The following PVT1 variants were observed in gnomAD, a reference collection of about 807,000 sequenced individuals.
The protein encoded by PVT1 is CXCR4/PVT1 fusion.
intron 4 of PVT1, among the ~76,000 whole-genome samples, chr8:128,062,031 G>T (rs565834757): frequency 6.6e-6 from 1 of 152,352 alleles, no homozygotes; most frequent in Non-Finnish European, 1.5e-5. Context: ...GGCAGGCAAG[G>T]CCACGTGCAA....
chr8:127,909,454 T>C (rs889975930), intron 3 of PVT1, among the ~76,000 whole-genome samples: 4 of 152,228 alleles, frequency 2.6e-5, no homozygotes, highest in Non-Finnish European at 5.9e-5. Context: ...TCTAGTCACT[T>C]TACCTTCTGA....
chr8:128,008,418 A>G (rs778752033), intron 4 of PVT1, among the ~76,000 whole-genome samples: 12 of 152,348 alleles, frequency 7.9e-5, no homozygotes, highest in South Asian at 2.1e-4. Flanking sequence ...CAATTTATCA[A>G]TGAGGAAACT....
rs1343056207 is a variant in PVT1, at chr8:127,984,842, TTTCTTTCTTTCTTTCTTTCTTTC to T, written n.783-4317_783-4295del. ...AGGCTGGTTTCTTTCTTTTCTTTTC[TTTCTTTCTTTCTTTCTTTCTTTC>T]TTTCTTTCTTTCTTTCTTTCTTTCT... On this transcript the variant is annotated intron_variant and non_coding_transcript_variant, in intron 3 of 10. Transcript: ENST00000651587. Among the ~76,000 whole-genome samples the T allele has an allele frequency of 1.4e-3, 78 of 53,894 alleles. 1 individual carries two copies. Among genetic ancestry groups the T allele is most frequent in the Admixed American group, 1.7e-3 (11 of 6,486 alleles). 35.4% of individuals were successfully genotyped at this position (53,894 alleles called of 152,430 possible). A position where few individuals can be genotyped will look rare whatever the true frequency, so the allele number is the denominator to read the frequency against.
intron 3 of PVT1, among the ~76,000 whole-genome samples, chr8:127,944,453 T>C (rs2129913379): frequency 6.6e-6 from 1 of 152,232 alleles, no homozygotes; most frequent in Admixed American, 6.5e-5. Context: ...GTCTGTAAAA[T>C]GGGAACAATA....
At chr8:128,017,689 G>A (rs1817389515) in intron 4 of PVT1, among the ~76,000 whole-genome samples, 1 of 151,604 alleles carries the variant, frequency 6.6e-6, no homozygotes, top group Admixed American at 6.6e-5. Context: ...CTCCTGCCTC[G>A]GCCTCCCAAA....
intron 2 of PVT1, among the ~76,000 whole-genome samples, chr8:127,840,588 C>G (rs1364231769): frequency 6.6e-6 from 1 of 152,230 alleles, no homozygotes; most frequent in Non-Finnish European, 1.5e-5. Context: ...GGGAGACTGG[C>G]TCCAAAAGGG....
chr8:128,034,275 G>T (rs564503873), intron 4 of PVT1, among the ~76,000 whole-genome samples: 1 of 151,780 alleles, frequency 6.6e-6, no homozygotes, highest in East Asian at 1.9e-4. Context: ...GTGAACTAAA[G>T]GTTTATAAGG....
At chr8:128,049,671 G>A (rs1243473939) in intron 4 of PVT1, among the ~76,000 whole-genome samples, 1 of 152,094 alleles carries the variant, frequency 6.6e-6, no homozygotes, top group Non-Finnish European at 1.5e-5. Flanking sequence ...GGCACTGGCA[G>A]GATGGGAAGG....
chr8:127,908,243 G>A (rs1235015995), intron 3 of PVT1, among the ~76,000 whole-genome samples: 1 of 151,970 alleles, frequency 6.6e-6, no homozygotes, highest in Non-Finnish European at 1.5e-5. Context: ...TTTTCACGTT[G>A]GTCGGCCGTG....
In PVT1 at chr8:127,875,347, G is replaced by GTCTGTC. The variant is rs918925169; in HGVS notation, n.373-15226_373-15221dup. Among the ~76,000 whole-genome samples the GTCTGTC allele has an allele frequency of 6.9e-5, 9 of 129,956 alleles. No homozygotes were observed. The East Asian group carries it at 1.5e-3, about 21-fold the overall frequency. The allele number at this position is 129,956 out of a possible 152,430, so 85.3% of individuals were successfully genotyped here. On this transcript the variant is annotated intron_variant and non_coding_transcript_variant, in intron 2 of 10. Transcript: ENST00000651587. Reference sequence around the variant, plus strand: ...TGTCTCTGTCTCTGTCTCTGACTCTGTCTGTCTCTGTCTCTGTCTCTCTCT... The same window carrying GTCTGTC: ...TGTCTCTGTCTCTGTCTCTGACTCTGTCTGTCTCTGTCTCTGTCTCTGTCTCTCTCT...
chr8:128,041,389 ATG>A (rs1318194226), intron 4 of PVT1, among the ~76,000 whole-genome samples: 2 of 125,930 alleles, frequency 1.6e-5, no homozygotes, highest in African/African-American at 3.1e-5. Flanking sequence ...GCATATGTGT[ATG>A]TGTGTGTTTG....
intron 4 of PVT1, among the ~76,000 whole-genome samples, chr8:128,041,219 GTGTGTGCATGTGTGTGTGT>G (rs1276993774): frequency 2.1e-3 from 170 of 82,038 alleles, no homozygotes; most frequent in Middle Eastern, 0.016. Flanking sequence ...GTGTGTTTGT[GTGTGTGCATGTGTGTGTGT>G]TGTTTGTGTG....
At chr8:128,094,625 C>A (rs1014436387) in intron 5 of PVT1, among the ~76,000 whole-genome samples, 2 of 152,228 alleles carry the variant, frequency 1.3e-5, no homozygotes, top group South Asian at 4.1e-4. Flanking sequence ...ACCTACCCAT[C>A]GTGTGTGGGT....
chr8:128,092,006 A>G (rs745851747), intron 5 of PVT1, among the ~76,000 whole-genome samples: 2 of 152,182 alleles, frequency 1.3e-5, no homozygotes, highest in Non-Finnish European at 2.9e-5. Context: ...TAACAGGTCA[A>G]CAACCGGACT....
chr8:127,931,722 A>G (rs1055929050), intron 3 of PVT1, among the ~76,000 whole-genome samples: 4 of 152,224 alleles, frequency 2.6e-5, no homozygotes, highest in Admixed American at 2.6e-4. Context: ...GGATGAGGCC[A>G]TGGGAATTGA....
chr8:127,828,611 C>A (rs555698943), intron 2 of PVT1, among the ~76,000 whole-genome samples: 1 of 151,886 alleles, frequency 6.6e-6, no homozygotes, highest in African/African-American at 2.4e-5. Flanking sequence ...GGGAGCCAAG[C>A]GAGGCCAGGT....
chr8:128,052,634 A>G (rs554503502), intron 4 of PVT1, among the ~76,000 whole-genome samples: 41 of 152,306 alleles, frequency 2.7e-4, no homozygotes, highest in African/African-American at 7.9e-4. Context: ...AAAATGATAC[A>G]TTTAGTTTTG....
intron 3 of PVT1, among the ~76,000 whole-genome samples, chr8:127,968,173 G>A (rs1816723857): frequency 6.6e-6 from 1 of 152,132 alleles, no homozygotes; most frequent in African/African-American, 2.4e-5. Context: ...AACTGATTGG[G>A]AGAACCTGCA....
intron 2 of PVT1, among the ~76,000 whole-genome samples, chr8:127,807,324 TA>T (rs1171670552): frequency 6.6e-6 from 1 of 152,244 alleles, no homozygotes; most frequent in Non-Finnish European, 1.5e-5. Context: ...TTGCTTTTTT[TA>T]AATTCAATTA....
Sources: allele counts gnomAD v4.1 joint callset (sites outside exome capture counted in the v4.1 genomes callset), GRCh38; gene constraint gnomAD v4.1.1; transcripts MANE v1.5; gene names NCBI Gene and HGNC (gene_info 2026-07-23, HGNC 2026-07-21).